The following GRM5 variants were observed in gnomAD, a reference collection of about 807,000 sequenced individuals.
The protein encoded by GRM5 is metabotropic glutamate receptor 5.
In GRM5, 19 loss-of-function variants were observed where a neutral mutation model predicts 83.1. The observed-to-expected ratio is 0.23, with a 90% CI of 0.16 to 0.34. The LOEUF is 0.34. Ranked by LOEUF, GRM5 falls within the 10% of genes least tolerant of loss-of-function variation. GRM5 has a pLI of 1.00. For synonymous variants in GRM5, 675 were observed against 633.6 expected (o/e 1.07, Z -0.98); for missense variants, 1,160 against 1,588.3 (o/e 0.73, Z 4.58).
intron 2 of GRM5, among the ~76,000 whole-genome samples, chr11:88,930,106 TAAAGA>T (rs1001996958): frequency 2.0e-5 from 3 of 151,922 alleles, no homozygotes; most frequent in Admixed American, 1.3e-4. Context: ...TTAATGTAAG[TAAAGA>T]AAAGTGATAA....
At chr11:88,519,011 C>T (rs963832011) in intron 9 of GRM5, among the ~76,000 whole-genome samples, 2 of 146,190 alleles carry the variant, frequency 1.4e-5, no homozygotes, top group East Asian at 3.9e-4. Context: ...AATGAGAAGA[C>T]ACAGGCAACT....
Position 88,525,693 on chromosome 11 carries a change from G to T in GRM5, c.2631-289C>A, listed in dbSNP as rs146628472. Among the ~76,000 whole-genome samples, 22 of 152,282 alleles carry T rather than the reference G, an allele frequency of 1.4e-4. No homozygotes were observed. The East Asian group carries it at 4.2e-3, about 29-fold the overall frequency. ...ATTTAATAGTCAATGGTAAAGGTGT[G>T]CAATTTCTAGCATCTTAGAAAAAGA... is the stretch of plus-strand genomic sequence containing the variant. On this transcript the variant is annotated intron_variant, in intron 8 of 9. Transcript: ENST00000305447.
chr11:88,572,829 G>GGTT (rs772232922), intron 7 of GRM5, among the ~76,000 whole-genome samples: 8 of 152,036 alleles, frequency 5.3e-5, no homozygotes, highest in Non-Finnish European at 1.2e-4. Flanking sequence ...TGTATGTAGA[G>GGTT]GTTACCTAAG....
chr11:88,955,716 A>G (rs1938590134), intron 2 of GRM5, among the ~76,000 whole-genome samples: 1 of 152,032 alleles, frequency 6.6e-6, no homozygotes, highest in South Asian at 2.1e-4. Flanking sequence ...TGCCCTTCCC[A>G]CTTGTCCACC....
chr11:88,868,095 T>C (rs10831539), intron 2 of GRM5, among the ~76,000 whole-genome samples: 2,772 of 152,002 alleles, frequency 0.018, 46 homozygotes, highest in East Asian at 0.069. Context: ...TATTTAAATG[T>C]CTCTGAGCTT....
At chr11:88,598,919 C>T (rs1016404187) in intron 5 of GRM5, among the ~76,000 whole-genome samples, 3 of 152,132 alleles carry the variant, frequency 2.0e-5, no homozygotes, top group African/African-American at 7.2e-5. Flanking sequence ...GTTAATTTTA[C>T]AGATAATGGA....
intron 2 of GRM5, among the ~76,000 whole-genome samples, chr11:89,019,007 C>T (rs2135104487): frequency 1.3e-5 from 2 of 152,190 alleles, no homozygotes; most frequent in African/African-American, 4.8e-5. Flanking sequence ...TTCCTAGTAT[C>T]CTTTTGCTTA....
intron 3 of GRM5, among the ~76,000 whole-genome samples, chr11:88,824,413 C>G (rs965042524): frequency 2.6e-5 from 4 of 152,170 alleles, no homozygotes; most frequent in Non-Finnish European, 4.4e-5. Context: ...ATCCTGTACA[C>G]AAGCACTGTG....
intron 2 of GRM5, among the ~76,000 whole-genome samples, chr11:88,945,099 A>G (rs1437747208): frequency 2.0e-5 from 3 of 149,478 alleles, no homozygotes; most frequent in Non-Finnish European, 4.5e-5. Flanking sequence ...TCAAGAATGC[A>G]ATTTCATTTA....
Position 88,656,069 on chromosome 11 carries a change from A to G in GRM5, c.912-2666T>C, listed in dbSNP as rs141450269. 9.1e-3 allele frequency among the ~76,000 whole-genome samples: 1,389 copies of G among 152,228 alleles called. 25 individuals carry two copies. Among genetic ancestry groups the G allele is most frequent in the African/African-American group, 0.032 (1,315 of 41,548 alleles). ...GCAATAAATTCAGCAGTAAAATGAAATGCTAAGAAAAAACCTTTCTGCCAC... is the reference window on the plus strand; with the variant it reads ...GCAATAAATTCAGCAGTAAAATGAAGTGCTAAGAAAAAACCTTTCTGCCAC... On this transcript the variant is annotated intron_variant, in intron 3 of 9. Transcript: ENST00000305447.
chr11:88,594,320 A>G (rs1016861893), intron 6 of GRM5, among the ~76,000 whole-genome samples: 1 of 152,210 alleles, frequency 6.6e-6, no homozygotes, highest in Non-Finnish European at 1.5e-5. Context: ...TTTTGTCTTG[A>G]TATAACAAGT....
At chr11:88,781,831 G>C (rs1169509434) in intron 3 of GRM5, among the ~76,000 whole-genome samples, 1 of 152,120 alleles carries the variant, frequency 6.6e-6, no homozygotes, top group East Asian at 1.9e-4. Flanking sequence ...AGCCAACAAA[G>C]CTGAGATCCC....
At chr11:88,606,572 G>A (rs1038906351) in intron 4 of GRM5, among the ~76,000 whole-genome samples, 1 of 152,154 alleles carries the variant, frequency 6.6e-6, no homozygotes, top group Admixed American at 6.5e-5. Context: ...TATGATAAGA[G>A]CTTTGGGATC....
At position 89,047,468 on chromosome 11, in the gene GRM5, A is replaced by G; in HGVS notation, c.405T>C (p.Ser135=). The change falls in exon 2 of 10, where the codon TCT becomes TCC. Residue 135 remains serine (S), a synonymous_variant. Coordinates refer to ENST00000305447, the MANE Select transcript of GRM5 (RefSeq NM_001143831.3). This position sits in a 1 kb window ranked among gnomAD's most constrained non-coding sequence, Gnocchi z 5.1. ...GLVRCVDGSS[S]SFRSKKPIVG... ...CTATGGGCTTCTTGGAGCGGAAGGA[A>G]GAGGAGGAGCCATCCACACAGCGTA... 6.2e-7 allele frequency: 1 copy of G among 1,614,192 alleles called. No individual in the cohort carries two copies. Among genetic ancestry groups the G allele is most frequent in the Non-Finnish European group, 8.5e-7 (1 of 1,180,028 alleles).
chr11:88,535,514 T>C (rs1333636415), intron 8 of GRM5, among the ~76,000 whole-genome samples: 2 of 152,228 alleles, frequency 1.3e-5, no homozygotes, highest in African/African-American at 2.4e-5. Flanking sequence ...AAGTAGGTCC[T>C]TGAGCCATTG....
At chr11:88,838,899 AC>A (rs1944142111) in intron 3 of GRM5, among the ~76,000 whole-genome samples, 1 of 151,690 alleles carries the variant, frequency 6.6e-6, no homozygotes, top group South Asian at 2.1e-4. Context: ...ACACACACAC[AC>A]ACACATACAC....
intron 2 of GRM5, among the ~76,000 whole-genome samples, chr11:88,937,845 G>C (rs183864640): frequency 1.8e-3 from 270 of 151,774 alleles, no homozygotes; most frequent in African/African-American, 6.0e-3. Flanking sequence ...TGGGCAAACA[G>C]GAGAAGTAAT....
intron 7 of GRM5, among the ~76,000 whole-genome samples, chr11:88,588,463 T>C (rs1259916527): frequency 6.6e-6 from 1 of 152,102 alleles, no homozygotes; most frequent in East Asian, 1.9e-4. Context: ...GGCATAAATC[T>C]AGGGGCAAGG....
chr11:88,725,133 G>A (rs1034270073), intron 3 of GRM5, among the ~76,000 whole-genome samples: 6 of 152,138 alleles, frequency 3.9e-5, no homozygotes, highest in Non-Finnish European at 7.3e-5. Flanking sequence ...AAGATACGCT[G>A]GTTTAAAATT....
Sources: allele counts gnomAD v4.1 joint callset (sites outside exome capture counted in the v4.1 genomes callset), GRCh38; gene constraint gnomAD v4.1.1; non-coding constraint Gnocchi (gnomAD v3.1); transcripts MANE v1.5; gene names NCBI Gene and HGNC (gene_info 2026-07-23, HGNC 2026-07-21).